The following SPATA17 variants were observed in gnomAD, a reference collection of about 807,000 sequenced individuals.
SPATA17 encodes the protein spermatogenesis-associated protein 17.
A neutral mutation model predicts 62.2 loss-of-function variants in SPATA17; 53 were observed. That is an observed-to-expected ratio of 0.85 (90% CI 0.68 to 1.07). SPATA17 has a LOEUF of 1.07. SPATA17 is among the 50% of genes least tolerant of loss of function. The pLI is 0.00. For missense variants in SPATA17, 466 were observed against 425.5 expected, an observed-to-expected ratio of 1.10 and a Z score of -0.84; for synonymous variants, 146 against 146.8, an observed-to-expected ratio of 0.99 and a Z score of 0.04.
At chr1:217,635,023 C>G (rs1669905999) in intron 1 of SPATA17, among the ~76,000 whole-genome samples, 1 of 152,180 alleles carries the variant, frequency 6.6e-6, no homozygotes. Flanking sequence ...ATACTATACA[C>G]TACACTGTAC....
At chr1:217,655,064 AT>A (rs1407857014) in intron 3 of SPATA17, among the ~76,000 whole-genome samples, 2 of 152,134 alleles carry the variant, frequency 1.3e-5, no homozygotes, top group African/African-American at 4.8e-5. Flanking sequence ...GTACAAAACT[AT>A]TTGCTAATGT....
chr1:217,768,620 T>C (rs566214089), intron 6 of SPATA17, among the ~76,000 whole-genome samples: 131 of 151,866 alleles, frequency 8.6e-4, no homozygotes, highest in Admixed American at 2.2e-3. Context: ...GCCTCCTGAG[T>C]AGCTGGGATT....
chr1:217,664,495 G>A (rs572015207), intron 3 of SPATA17, among the ~76,000 whole-genome samples: 10 of 151,596 alleles, frequency 6.6e-5, no homozygotes, highest in Admixed American at 2.6e-4. Context: ...GGGTTTCACC[G>A]TGTTGGCCAG....
chr1:217,732,744 G>T (rs1672428174), intron 5 of SPATA17, among the ~76,000 whole-genome samples: 1 of 152,088 alleles, frequency 6.6e-6, no homozygotes, highest in Admixed American at 6.6e-5. Flanking sequence ...AACCTTAGTA[G>T]AATGTTGTGA....
chr1:217,662,446 C>A (rs1254555688), intron 3 of SPATA17, among the ~76,000 whole-genome samples: 1 of 151,796 alleles, frequency 6.6e-6, no homozygotes, highest in African/African-American at 2.4e-5. Context: ...ATTTAATTTA[C>A]AAAGATTGAT....
chr1:217,768,227 G>C (rs887708673), intron 6 of SPATA17, among the ~76,000 whole-genome samples: 2 of 152,012 alleles, frequency 1.3e-5, no homozygotes, highest in African/African-American at 4.8e-5. Context: ...CCTGGCGACA[G>C]AGCAAGGCTC....
rs557682635 is a variant in SPATA17, at chr1:217,769,260, A to G, written c.520-5074A>G. Among the ~76,000 whole-genome samples the G allele has an allele frequency of 5.4e-4, 82 of 152,354 alleles. 1 individual carries two copies. The highest frequency in any genetic ancestry group is 1.1e-3 in the Non-Finnish European group (72 of 68,034). ...ATATGAAATACATGAGGAAAAACGA[A>G]TGTGTTCCAGAATGAAGATGGTATA... On this transcript the variant is annotated intron_variant, in intron 6 of 10. Transcript: ENST00000366933.
At chr1:217,833,500 A>G (rs1170712037) in intron 9 of SPATA17, among the ~76,000 whole-genome samples, 1 of 152,144 alleles carries the variant, frequency 6.6e-6, no homozygotes, top group Non-Finnish European at 1.5e-5. Flanking sequence ...TTGCCCACCT[A>G]TATGGACACA....
intron 1 of SPATA17, among the ~76,000 whole-genome samples, chr1:217,635,207 G>T (rs1188035520): frequency 6.6e-6 from 1 of 152,176 alleles, no homozygotes; most frequent in African/African-American, 2.4e-5. Flanking sequence ...ACAGGCTTCA[G>T]TCAATTTAGA....
At chr1:217,730,419 G>A (rs1672377788) in intron 5 of SPATA17, among the ~76,000 whole-genome samples, 1 of 151,962 alleles carries the variant, frequency 6.6e-6, no homozygotes, top group Non-Finnish European at 1.5e-5. Flanking sequence ...GTTTCACCAT[G>A]TTGGCCATGC....
At chr1:217,646,931 C>A (rs779780032) in intron 1 of SPATA17, among the ~76,000 whole-genome samples, 9 of 151,926 alleles carry the variant, frequency 5.9e-5, no homozygotes, top group East Asian at 1.9e-4. Flanking sequence ...AACAAAAAAA[C>A]CAGCCTCTAG....
At chr1:217,792,392 G>C (rs1674015976) in intron 8 of SPATA17, among the ~76,000 whole-genome samples, 1 of 152,134 alleles carries the variant, frequency 6.6e-6, no homozygotes, top group Admixed American at 6.5e-5. Flanking sequence ...AGATGAGTAG[G>C]GGGCTGTAAA....
chr1:217,860,515 A>G (rs1477537321), intron 9 of SPATA17, among the ~76,000 whole-genome samples: 2 of 152,078 alleles, frequency 1.3e-5, no homozygotes, highest in Admixed American at 6.6e-5. Flanking sequence ...GAATTTGTCT[A>G]TTTCTTCTTG....
At chr1:217,730,219 ATTT>A (rs200764601) in intron 5 of SPATA17, among the ~76,000 whole-genome samples, 2 of 142,084 alleles carry the variant, frequency 1.4e-5, no homozygotes, top group Non-Finnish European at 1.6e-5. Flanking sequence ...CAGTAAAGTG[ATTT>A]TTTTTTTTTT....
At position 217,858,892 on chromosome 1, in the gene SPATA17, G is replaced by A. The variant is rs1051059187; in HGVS notation, c.1006-3882G>A. 7.9e-5 allele frequency among the ~76,000 whole-genome samples: 12 copies of A among 152,122 alleles called. No individual in the cohort carries two copies. In the East Asian group the frequency reaches 1.9e-3, roughly 25 times the overall value. ...AAAATACAAAAATTAGCCAGGCGTG[G>A]TGATGTGTGCCTGTAATCCCAGCCT... is the stretch of plus-strand genomic sequence containing the variant. On this transcript the variant is annotated intron_variant, in intron 9 of 10. Transcript: ENST00000366933.
chr1:217,788,873 T>C (rs1673926132), intron 8 of SPATA17, among the ~76,000 whole-genome samples: 1 of 152,296 alleles, frequency 6.6e-6, no homozygotes, highest in Admixed American at 6.5e-5. Context: ...AGAAAATAAA[T>C]GCAAGTGTTC....
rs560837840 is a variant in SPATA17 at position 217,631,675 on chromosome 1, T to A, written c.68+229T>A. Among the ~76,000 whole-genome samples, 207 of 152,258 alleles carry A rather than the reference T, an allele frequency of 1.4e-3. 1 individual carries two copies. Among genetic ancestry groups the A allele is most frequent in the Non-Finnish European group, 2.3e-3 (157 of 68,014 alleles). ...TCAGTGTGAGATGATTTAAGGAAAC[T>A]CCCAGCATAGATAAAATTGTAAAGT... On this transcript the variant is annotated intron_variant, in intron 1 of 10. Transcript: ENST00000366933.
rs182529181 is a variant in SPATA17 at position 217,651,063 on chromosome 1, A to G, written c.159-34A>G. 24 of 1,477,714 alleles carry G rather than the reference A, an allele frequency of 1.6e-5. No homozygotes were observed. In the African/African-American group the frequency reaches 2.4e-4, roughly 15 times the overall value. 91.5% of individuals were successfully genotyped at this position (1,477,714 alleles called of 1,614,324 possible). On this transcript the variant is annotated intron_variant, in intron 2 of 10. Coordinates refer to ENST00000366933, the MANE Select transcript of SPATA17 (RefSeq NM_138796.4). ...GATTTAACTGACCTTGTTTCAATGAAAGGATACTAATAAGCATATTTTTTT... is the reference window on the plus strand; with the variant it reads ...GATTTAACTGACCTTGTTTCAATGAGAGGATACTAATAAGCATATTTTTTT...
intron 4 of SPATA17, among the ~76,000 whole-genome samples, chr1:217,678,589 A>G (rs1671007912): frequency 1.3e-5 from 2 of 152,170 alleles, no homozygotes; most frequent in Non-Finnish European, 2.9e-5. Context: ...TTCAGGAATA[A>G]AAGTAAACCC....
Sources: gnomAD v4.1 joint callset for allele counts (sites outside exome capture counted in the v4.1 genomes callset) on GRCh38, gnomAD v4.1.1 for gene constraint, MANE v1.5 for transcripts, NCBI Gene and HGNC (gene_info 2026-07-23, HGNC 2026-07-21) for gene names.